Variants in PYROXD1 observed in about 807,000 individuals in gnomAD.
The protein encoded by PYROXD1 is pyridine nucleotide-disulphide oxidoreductase domain 1, also known as tRNA ligase complex-associated NAD(P)H dehydrogenase PYROXD1.
In PYROXD1, 42 loss-of-function variants were observed where a neutral mutation model predicts 62.0. That is an observed-to-expected ratio of 0.68 (90% CI 0.53 to 0.88). The LOEUF is 0.88. Among genes scored for constraint, PYROXD1 ranks in the 40% least tolerant of loss-of-function variants. The probability of loss-of-function intolerance (pLI) is 0.00; values close to 1 mark genes in which losing one functional copy is unlikely to be tolerated. For synonymous variants in PYROXD1, 170 were observed against 206.4 expected (o/e 0.82, Z 1.51); for missense variants, 493 against 604.8 (o/e 0.82, Z 1.94).
At chr12:21,449,849 ATT>A (rs1491495469) in intron 4 of PYROXD1, among the ~76,000 whole-genome samples, 158 bp downstream of exon 4, 191 of 128,822 alleles carry the variant, frequency 1.5e-3, no homozygotes, top group African/African-American at 5.3e-3. Context: ...ATTCCTGCCA[ATT>A]TTCTTTCTTT....
rs771152074 is a variant in PYROXD1 at position 21,440,461 on chromosome 12, G to A, written c.165+13G>A. The A allele has an allele frequency of 4.1e-6, 6 of 1,451,210 alleles. No homozygotes were observed. In the South Asian group the frequency reaches 4.9e-5, roughly 12 times the overall value. The allele number at this position is 1,451,210 out of a possible 1,614,324, so 89.9% of individuals were successfully genotyped here. ...AAATTTCAAGCAGGTAAGAACCTTT[G>A]TATAACTTGTTAATATTAATTTGAA... On this transcript the variant is annotated intron_variant, in intron 2 of 11. Coordinates refer to ENST00000240651, the MANE Select transcript of PYROXD1 (RefSeq NM_024854.5).
At chr12:21,466,627 C>T (rs1942799763) in intron 10 of PYROXD1, among the ~76,000 whole-genome samples, 1 of 152,166 alleles carries the variant, frequency 6.6e-6, no homozygotes, top group Non-Finnish European at 1.5e-5. Flanking sequence ...ATTTGACTTC[C>T]TCTTTTCCTA....
intron 2 of PYROXD1, among the ~76,000 whole-genome samples, chr12:21,443,535 CAACTGTTAAA>C (rs1249988776): frequency 5.3e-5 from 8 of 151,976 alleles, no homozygotes; most frequent in Admixed American, 5.2e-4. Context: ...TCCTGTAGCT[CAACTGTTAAA>C]AAGTTTTGCC....
At chr12:21,457,148 C>A (rs769115169) in intron 7 of PYROXD1, 10 of 223,736 alleles carry the variant, frequency 4.5e-5, no homozygotes, top group Non-Finnish European at 7.8e-5. Context: ...TCCCTTGAAT[C>A]ATGAATGTTC....
chr12:21,462,735 T>C lies in PYROXD1; in HGVS notation c.994-5T>C, dbSNP rs1228073659. On this transcript the variant is annotated splice_region_variant and splice_polypyrimidine_tract_variant and intron_variant, in intron 9 of 11. Transcript: ENST00000240651. ...CACTTAACGCTTATGAGGAATGTTG[T>C]TTAGTTTGATCTAGGAGAAGATGGT... 1.9e-6 allele frequency: 3 copies of C among 1,613,290 alleles called. No individual in the cohort carries two copies. Among genetic ancestry groups the C allele is most frequent in the African/African-American group, 1.3e-5 (1 of 74,902 alleles).
In PYROXD1 at chr12:21,470,984, C is replaced by T. The variant is rs2417988; in HGVS notation, c.*2230C>T. 32 of 1,553,010 alleles carry T rather than the reference C, an allele frequency of 2.1e-5. No individual in the cohort carries two copies. In the African/African-American group the frequency reaches 3.7e-4, roughly 18 times the overall value. ...AGCCATTTACCCTGAAAGAGTTCTGCGTGGACTTTGTCACTTGCATAGTAA... is the reference window on the plus strand; with the variant it reads ...AGCCATTTACCCTGAAAGAGTTCTGTGTGGACTTTGTCACTTGCATAGTAA... On this transcript the variant is annotated 3_prime_UTR_variant, in exon 12 of 12. Coordinates refer to ENST00000240651, the MANE Select transcript of PYROXD1 (RefSeq NM_024854.5).
chr12:21,452,075 A>G lies in PYROXD1; in HGVS notation c.415-6A>G. 3 of 1,556,936 alleles carry G rather than the reference A, an allele frequency of 1.9e-6. No individual in the cohort carries two copies. The highest frequency in any genetic ancestry group is 2.6e-6 in the Non-Finnish European group (3 of 1,140,602). On this transcript the variant is annotated splice_region_variant and splice_polypyrimidine_tract_variant and intron_variant, in intron 4 of 11. Transcript: ENST00000240651. ...ATACTACCTCATTATTTTCTTTTTA[A>G]CATAGGAATTTCAGAAACAGCTTAC...
intron 5 of PYROXD1, among the ~76,000 whole-genome samples, chr12:21,454,234 T>A (rs757132358): frequency 6.6e-6 from 1 of 152,028 alleles, no homozygotes; most frequent in African/African-American, 2.4e-5. Context: ...CTTTGTACCG[T>A]AAAGAAATGT....
intron 5 of PYROXD1, among the ~76,000 whole-genome samples, chr12:21,453,965 G>A (rs770213959): frequency 6.6e-6 from 1 of 151,926 alleles, no homozygotes; most frequent in African/African-American, 2.4e-5. Flanking sequence ...CCGCTGGTCA[G>A]TAATGCTATA....
intron 1 of PYROXD1, chr12:21,438,562 C>G (rs1279395272): frequency 6.6e-6 from 1 of 152,148 alleles, no homozygotes; most frequent in African/African-American, 2.4e-5. Context: ...ACTTCGAACT[C>G]CCAAGATAGA....
At chr12:21,451,445 A>AT (rs201561811) in intron 4 of PYROXD1, among the ~76,000 whole-genome samples, 2,909 of 145,016 alleles carry the variant, frequency 0.02, 82 homozygotes, top group African/African-American at 0.068. Flanking sequence ...TGTTAATAAC[A>AT]TTTTTTTTTT....
At chr12:21,445,688 C>T (rs935653764) in intron 3 of PYROXD1, among the ~76,000 whole-genome samples, 3 of 152,082 alleles carry the variant, frequency 2.0e-5, no homozygotes, top group Non-Finnish European at 4.4e-5. Flanking sequence ...TTTCAAATTA[C>T]ATTAATGTTT....
chr12:21,439,718 G>A (rs1942259319), intron 1 of PYROXD1, among the ~76,000 whole-genome samples: 1 of 152,166 alleles, frequency 6.6e-6, no homozygotes, highest in Non-Finnish European at 1.5e-5. Flanking sequence ...GTGGTGTCGA[G>A]GAACCAGACT....
Position 21,471,165 on chromosome 12 carries a change from G to T in PYROXD1, c.*2411G>T, listed in dbSNP as rs145840276. 587 of 1,429,532 alleles carry T rather than the reference G, an allele frequency of 4.1e-4. 1 individual carries two copies. In the African/African-American group the frequency reaches 7.4e-3, roughly 18 times the overall value. The allele number at this position is 1,429,532 out of a possible 1,614,324, so 88.6% of individuals were successfully genotyped here. A position where few individuals can be genotyped will look rare whatever the true frequency, so the allele number is the denominator to read the frequency against. ...AATCACGGAAAACAAATTTATAAAA[G>T]AAATAACTATATGCGCAGTAATTCT... On this transcript the variant is annotated 3_prime_UTR_variant, in exon 12 of 12. Coordinates refer to ENST00000240651, the MANE Select transcript of PYROXD1 (RefSeq NM_024854.5).
chr12:21,453,787 T>C (rs1235000738), intron 5 of PYROXD1, among the ~76,000 whole-genome samples: 1 of 152,102 alleles, frequency 6.6e-6, no homozygotes, highest in African/African-American at 2.4e-5. Context: ...GTCATCAGTA[T>C]GCTGAAGTGC....
At chr12:21,464,807 T>G (rs10841823) in intron 10 of PYROXD1, among the ~76,000 whole-genome samples, 16,673 of 152,000 alleles carry the variant, frequency 0.11, 1,026 homozygotes, top group East Asian at 0.29. Flanking sequence ...ACATGTGCCA[T>G]GTTGGTGTGC....
intron 5 of PYROXD1, among the ~76,000 whole-genome samples, chr12:21,454,580 T>C (rs10770813): frequency 0.49 from 74,168 of 151,208 alleles, 18,184 homozygotes; most frequent in Middle Eastern, 0.59. Context: ...TATACCATTT[T>C]CATTCTTTCC....
chr12:21,466,286 T>C (rs1157440290), intron 10 of PYROXD1, among the ~76,000 whole-genome samples: 2 of 150,806 alleles, frequency 1.3e-5, no homozygotes, highest in African/African-American at 4.9e-5. Flanking sequence ...ATATTGATTC[T>C]TCCTACCCAT....
rs1156370174 is a variant in PYROXD1, at chr12:21,460,396, T to TTTTA, written c.751-605_751-602dup. Among the ~76,000 whole-genome samples the TTTTA allele has an allele frequency of 2.3e-3, 345 of 150,706 alleles. 1 individual carries two copies. Among genetic ancestry groups the TTTTA allele is most frequent in the African/African-American group, 6.5e-3 (266 of 41,224 alleles). On this transcript the variant is annotated intron_variant, in intron 7 of 11. Coordinates refer to ENST00000240651, the MANE Select transcript of PYROXD1 (RefSeq NM_024854.5). ...CCATAACTGTTGTCATTTTTTAAATTTTTATTTATTTATTTATTTATTTAT... is the reference window on the plus strand; with the variant it reads ...CCATAACTGTTGTCATTTTTTAAATTTTTATTTATTTATTTATTTATTTATTTAT...
Sources: gnomAD v4.1 joint callset for allele counts (sites outside exome capture counted in the v4.1 genomes callset) on GRCh38, gnomAD v4.1.1 for gene constraint, MANE v1.5 for transcripts, NCBI Gene and HGNC (gene_info 2026-07-23, HGNC 2026-07-21) for gene names.